Variants in TBC1D5 observed in about 807,000 individuals in gnomAD.
The protein encoded by TBC1D5 is TBC1 domain family, member 5.
In TBC1D5, 75 loss-of-function variants were observed where a neutral mutation model predicts 100.3. The ratio of observed to expected loss-of-function variants is 0.75; its 90% CI spans 0.62 to 0.91. TBC1D5 has a LOEUF of 0.91. TBC1D5 is among the 40% of genes least tolerant of loss of function. The pLI is 0.00. For missense variants in TBC1D5, 910 were observed against 942.4 expected, an observed-to-expected ratio of 0.97 and a Z score of 0.45; for synonymous variants, 323 against 325.6, an observed-to-expected ratio of 0.99 and a Z score of 0.09.
intron 1 of TBC1D5, among the ~76,000 whole-genome samples, chr3:17,721,852 C>A (rs1423942926): frequency 6.6e-6 from 1 of 151,844 alleles, no homozygotes; most frequent in East Asian, 1.9e-4. Flanking sequence ...GGTAGTGGCA[C>A]ATGCCTGTAA....
At chr3:17,304,771 C>G (rs1226083033) in intron 14 of TBC1D5, among the ~76,000 whole-genome samples, 1 of 152,152 alleles carries the variant, frequency 6.6e-6, no homozygotes, top group East Asian at 1.9e-4. Context: ...AGTAGGAACT[C>G]AGACTGGTTT....
intron 19 of TBC1D5, among the ~76,000 whole-genome samples, chr3:17,178,158 T>C (rs373394945): frequency 3.2e-4 from 48 of 150,216 alleles, no homozygotes; most frequent in Non-Finnish European, 4.9e-4. Context: ...CTCTGCCTCC[T>C]GGGTTCACGC....
At chr3:17,209,550 C>T (rs1273097355) in intron 18 of TBC1D5, among the ~76,000 whole-genome samples, 2 of 152,216 alleles carry the variant, frequency 1.3e-5, no homozygotes, top group Non-Finnish European at 2.9e-5. Context: ...GCTCTTCATG[C>T]AAGCACATAG....
At chr3:17,188,973 G>A (rs1402179343) in intron 18 of TBC1D5, among the ~76,000 whole-genome samples, 2 of 152,130 alleles carry the variant, frequency 1.3e-5, no homozygotes, top group African/African-American at 4.8e-5. Flanking sequence ...TTCCATTATA[G>A]GAGGGCATAG....
chr3:17,639,440 T>A (rs769341591), intron 1 of TBC1D5, among the ~76,000 whole-genome samples: 1 of 151,446 alleles, frequency 6.6e-6, no homozygotes, highest in Non-Finnish European at 1.5e-5. Flanking sequence ...TACAGCTGAG[T>A]CATGGTGACA....
At chr3:17,200,375 C>T (rs1448891684) in intron 18 of TBC1D5, among the ~76,000 whole-genome samples, 3 of 152,220 alleles carry the variant, frequency 2.0e-5, no homozygotes, top group African/African-American at 7.2e-5. Context: ...GGCAAGCAAG[C>T]ATTACCACCT....
intron 13 of TBC1D5, among the ~76,000 whole-genome samples, chr3:17,337,123 G>GTTTTTTTTTTTTTT (rs11328091): frequency 2.6e-4 from 30 of 116,132 alleles, no homozygotes; most frequent in African/African-American, 1.0e-3. Flanking sequence ...TATCTGAGAG[G>GTTTTTTTTTTTTTT]TTTTTTTTTT....
At chr3:17,394,372 A>G (rs1256080874) in intron 8 of TBC1D5, among the ~76,000 whole-genome samples, 1 of 152,176 alleles carries the variant, frequency 6.6e-6, no homozygotes, top group Non-Finnish European at 1.5e-5. Flanking sequence ...ATGGAAAAAC[A>G]GAAGTCCCAG....
chr3:17,524,646 G>A (rs1233875204), intron 2 of TBC1D5: 1 of 152,074 alleles, frequency 6.6e-6, no homozygotes, highest in Non-Finnish European at 1.5e-5. Context: ...ATCACCTGAG[G>A]TAAGGAGTTC....
intron 2 of TBC1D5, among the ~76,000 whole-genome samples, chr3:17,581,907 A>G (rs1414249513): frequency 6.6e-6 from 1 of 152,200 alleles, no homozygotes; most frequent in East Asian, 1.9e-4. Flanking sequence ...TGAATGCATC[A>G]TAAATATTCC....
At chr3:17,292,434 T>C (rs189088403) in intron 14 of TBC1D5, among the ~76,000 whole-genome samples, 1 of 152,372 alleles carries the variant, frequency 6.6e-6, no homozygotes, top group East Asian at 1.9e-4. Flanking sequence ...TACAACTTGT[T>C]ACATTTTCTT....
chr3:17,303,355 G>T (rs1022066816), intron 14 of TBC1D5, among the ~76,000 whole-genome samples: 3 of 152,102 alleles, frequency 2.0e-5, no homozygotes, highest in African/African-American at 7.2e-5. Flanking sequence ...ACCATATACT[G>T]GTAAACACTG....
At chr3:17,189,020 G>C (rs1266056853) in intron 18 of TBC1D5, among the ~76,000 whole-genome samples, 2 of 152,096 alleles carry the variant, frequency 1.3e-5, no homozygotes, top group Admixed American at 1.3e-4. Context: ...AGACACAGCT[G>C]GGTTCACATC....
exon 22 of TBC1D5, chr3:17,161,072 T>G: frequency 6.2e-7 from 1 of 1,614,146 alleles, no homozygotes; most frequent in South Asian, 1.1e-5. Flanking sequence ...CATCAGTGGA[T>G]CTGAGAACAC....
intron 17 of TBC1D5, among the ~76,000 whole-genome samples, chr3:17,219,161 A>G (rs1450199619): frequency 6.7e-6 from 1 of 149,186 alleles, no homozygotes; most frequent in Non-Finnish European, 1.5e-5. Context: ...CCAAGTTCTG[A>G]TTCTTTGGCA....
chr3:17,323,133 C>T (rs145328292), intron 13 of TBC1D5, among the ~76,000 whole-genome samples: 1 of 152,104 alleles, frequency 6.6e-6, no homozygotes, highest in Non-Finnish European at 1.5e-5. Context: ...AAATTTACAG[C>T]ACTGAATTTT....
intron 3 of TBC1D5, among the ~76,000 whole-genome samples, chr3:17,482,014 T>G (rs556279168): frequency 6.9e-4 from 105 of 152,372 alleles, no homozygotes; most frequent in African/African-American, 2.5e-3. Flanking sequence ...GTGCTGGGAT[T>G]ACAGGCATGG....
intron 3 of TBC1D5, among the ~76,000 whole-genome samples, chr3:17,495,125 T>C (rs1215004299): frequency 1.3e-5 from 2 of 152,202 alleles, no homozygotes; most frequent in Non-Finnish European, 2.9e-5. Flanking sequence ...AGAACCTGGA[T>C]ACCTCTGTTG....
intron 1 of TBC1D5, among the ~76,000 whole-genome samples, chr3:17,737,698 T>C (rs2077063714): frequency 6.6e-6 from 1 of 152,112 alleles, no homozygotes; most frequent in Admixed American, 6.5e-5. Context: ...AGTCAATCAC[T>C]CTTCTTCATG....
Sources: gnomAD v4.1 joint callset for allele counts (sites outside exome capture counted in the v4.1 genomes callset) on GRCh38, gnomAD v4.1.1 for gene constraint, MANE v1.5 for transcripts, NCBI Gene and HGNC (gene_info 2026-07-23, HGNC 2026-07-21) for gene names.